ANKS1B: variants seen among roughly 807,000 people sequenced by gnomAD.
The protein encoded by ANKS1B is ankyrin repeat and sterile alpha motif domain containing 1B.
In ANKS1B, 36 loss-of-function variants were observed where a neutral mutation model predicts 148.3. The observed-to-expected ratio is 0.24, with a 90% CI of 0.19 to 0.32. The LOEUF (loss-of-function observed/expected upper bound fraction) is 0.32. Ranked by LOEUF, ANKS1B falls within the 10% of genes least tolerant of loss-of-function variation. The pLI, the probability that ANKS1B is intolerant of heterozygous loss-of-function variation, is 1.00. For missense variants in ANKS1B, 1,157 were observed against 1,542.6 expected, an observed-to-expected ratio of 0.75 and a Z score of 4.19; for synonymous variants, 542 against 560.8, an observed-to-expected ratio of 0.97 and a Z score of 0.47.
chr12:99,494,412 T>C (rs1270914991), intron 10 of ANKS1B, among the ~76,000 whole-genome samples: 1 of 152,164 alleles, frequency 6.6e-6, no homozygotes, highest in Non-Finnish European at 1.5e-5. Context: ...TGTGGTTTGC[T>C]ACTGCTTTTC....
chr12:99,215,992 C>A (rs1206944240), intron 14 of ANKS1B, among the ~76,000 whole-genome samples: 1 of 152,076 alleles, frequency 6.6e-6, no homozygotes, highest in Non-Finnish European at 1.5e-5. Flanking sequence ...TCCCATAATC[C>A]CCATGTGTCA....
chr12:99,023,208 T>C (rs1294893287), intron 17 of ANKS1B, among the ~76,000 whole-genome samples: 1 of 152,172 alleles, frequency 6.6e-6, no homozygotes, highest in East Asian at 1.9e-4. Flanking sequence ...CCAATGTTCA[T>C]TTGGTTTTAC....
chr12:99,779,930 A>G lies in ANKS1B; in HGVS notation c.788T>C (p.Leu263Ser). Reference sequence around the variant, plus strand: ...AGATGGATGTTCTTTCAGAATGTCCAAGACAGTTCTACCTAAGCTATCCTT... The same window carrying G: ...AGATGGATGTTCTTTCAGAATGTCCGAGACAGTTCTACCTAAGCTATCCTT... ...NIKDSLGRTVLDILKEHPSQK... is the reference protein window; with the variant it reads ...NIKDSLGRTVSDILKEHPSQK... The change falls in exon 6 of 27, where the codon TTG (leucine) becomes TCG (serine). Residue 263 changes from leucine (L) to serine (S), a missense_variant. Around this residue, in one of 6 missense-constraint regions of ANKS1B, gnomAD observed 661 missense variants for 642.1 expected, o/e 1.03. Transcript: ENST00000683438. The G allele has an allele frequency of 6.2e-7, 1 of 1,610,674 alleles. No homozygotes were observed. Among genetic ancestry groups the G allele is most frequent in the Non-Finnish European group, 8.5e-7 (1 of 1,179,204 alleles).
chr12:99,858,316 C>T (rs756665067), intron 1 of ANKS1B, among the ~76,000 whole-genome samples: 1 of 152,090 alleles, frequency 6.6e-6, no homozygotes, highest in Non-Finnish European at 1.5e-5. Flanking sequence ...CAGAGAAATG[C>T]AAATCAATAC....
chr12:99,539,232 T>C (rs2097102224), intron 9 of ANKS1B, among the ~76,000 whole-genome samples: 1 of 152,152 alleles, frequency 6.6e-6, no homozygotes, highest in African/African-American at 2.4e-5. Context: ...AATGTACTTT[T>C]ATTTATACTC....
At chr12:99,616,501 C>T (rs1056053538) in intron 9 of ANKS1B, among the ~76,000 whole-genome samples, 3 of 152,020 alleles carry the variant, frequency 2.0e-5, no homozygotes, top group African/African-American at 4.8e-5. Flanking sequence ...TCTACAACCA[C>T]CTGATCTTCA....
intron 8 of ANKS1B, among the ~76,000 whole-genome samples, chr12:99,748,245 G>T (rs2060787762): frequency 6.6e-6 from 1 of 151,840 alleles, no homozygotes; most frequent in Admixed American, 6.6e-5. Context: ...AATGTTTGTG[G>T]CCAGATGAAA....
intron 4 of ANKS1B, among the ~76,000 whole-genome samples, chr12:99,803,608 A>G (rs532519819): frequency 1.3e-5 from 2 of 152,328 alleles, no homozygotes; most frequent in South Asian, 4.1e-4. Flanking sequence ...GGTGAGGACC[A>G]AGCAGACAAT....
chr12:99,964,356 AAAG>A (rs781479227), intron 1 of ANKS1B, among the ~76,000 whole-genome samples: 5 of 152,236 alleles, frequency 3.3e-5, no homozygotes, highest in Non-Finnish European at 7.3e-5. Flanking sequence ...ACCTAGATAA[AAAG>A]AAGAGCCTCC....
At chr12:98,791,445 C>T (rs2098850645) in intron 22 of ANKS1B, among the ~76,000 whole-genome samples, 2 of 152,272 alleles carry the variant, frequency 1.3e-5, no homozygotes, top group African/African-American at 2.4e-5. Context: ...TCAATAGACA[C>T]ACAACACACA....
At chr12:98,772,491 C>G (rs1467179522) in intron 25 of ANKS1B, among the ~76,000 whole-genome samples, 1 of 152,160 alleles carries the variant, frequency 6.6e-6, no homozygotes, top group Non-Finnish European at 1.5e-5. Context: ...CTGGGGAGGC[C>G]TCACAATCAT....
intron 12 of ANKS1B, among the ~76,000 whole-genome samples, chr12:99,279,959 G>A (rs1231185821): frequency 6.6e-6 from 1 of 151,884 alleles, no homozygotes; most frequent in Admixed American, 6.6e-5. Flanking sequence ...AGTTGTGATC[G>A]CACAACTGCA....
At chr12:98,952,528 T>A (rs2099855669) in intron 17 of ANKS1B, among the ~76,000 whole-genome samples, 2 of 152,246 alleles carry the variant, frequency 1.3e-5, no homozygotes, top group Non-Finnish European at 2.9e-5. Flanking sequence ...GACACGTCTG[T>A]AGGTCTGATC....
chr12:99,979,234 AC>A (rs2095663898), intron 1 of ANKS1B, among the ~76,000 whole-genome samples: 2 of 152,162 alleles, frequency 1.3e-5, no homozygotes, highest in African/African-American at 4.8e-5. Context: ...AAGAGGTATA[AC>A]TGCAAGCAAA....
chr12:99,301,602 A>G (rs2081622768), intron 12 of ANKS1B, among the ~76,000 whole-genome samples: 1 of 152,168 alleles, frequency 6.6e-6, no homozygotes, highest in African/African-American at 2.4e-5. Context: ...TAATAGATTT[A>G]CTCATTCACT....
At chr12:99,972,798 T>C (rs1015428667) in intron 1 of ANKS1B, among the ~76,000 whole-genome samples, 3 of 152,248 alleles carry the variant, frequency 2.0e-5, no homozygotes, top group South Asian at 2.1e-4. Context: ...AGGACTTTCA[T>C]AGCTAAAGAG....
chr12:99,450,062 T>A (rs2095706821), intron 10 of ANKS1B, among the ~76,000 whole-genome samples: 1 of 152,108 alleles, frequency 6.6e-6, no homozygotes, highest in Admixed American at 6.6e-5. Context: ...AGTTCCATTG[T>A]AAATCCAAAG....
chr12:99,210,885 A>G (rs1394922805), intron 14 of ANKS1B, among the ~76,000 whole-genome samples: 2 of 152,230 alleles, frequency 1.3e-5, no homozygotes, highest in African/African-American at 2.4e-5. Flanking sequence ...TCTCCCTGGT[A>G]TACTGCATTC....
chr12:99,426,970 G>A (rs977577750), intron 11 of ANKS1B, among the ~76,000 whole-genome samples: 3 of 152,094 alleles, frequency 2.0e-5, no homozygotes, highest in African/African-American at 2.4e-5. Flanking sequence ...TGCTTGATTC[G>A]TAACCTGTAT....
Sources: gnomAD v4.1 joint callset for allele counts (sites outside exome capture counted in the v4.1 genomes callset) on GRCh38, gnomAD v4.1.1 for gene constraint, gnomAD v4.1.1 regional missense constraint, MANE v1.5 for transcripts, NCBI Gene and HGNC (gene_info 2026-07-23, HGNC 2026-07-21) for gene names.